The following ARFGEF3 variants were observed in gnomAD, a reference collection of about 807,000 sequenced individuals.
ARFGEF3 encodes the protein brefeldin A-inhibited guanine nucleotide-exchange protein 3.
Under a neutral mutation model 221.7 loss-of-function variants are expected in ARFGEF3, and 96 were observed. The observed-to-expected ratio is 0.43, with a 90% CI of 0.37 to 0.51. The LOEUF is 0.51. ARFGEF3 is among the 20% of genes least tolerant of loss of function. The probability of loss-of-function intolerance (pLI) is 0.00; values close to 1 mark genes in which losing one functional copy is unlikely to be tolerated. For synonymous variants in ARFGEF3, 1,145 were observed against 1,126.8 expected, an observed-to-expected ratio of 1.02 and a Z score of -0.32; for missense variants, 2,410 against 2,789.9, an observed-to-expected ratio of 0.86 and a Z score of 3.07.
rs149399234 is a variant in ARFGEF3, at chr6:138,243,068, G to A, written c.586+74G>A. On this transcript the variant is annotated intron_variant, in intron 7 of 33. Transcript: ENST00000251691. ...ATGCCTACTGTGTGCTTGGAGTGAG[G>A]GGTACAAAGATGTCTAGGAGCTCTC... The A allele has an allele frequency of 1.0e-5, 12 of 1,197,976 alleles. No individual in the cohort carries two copies. The East Asian group carries it at 2.9e-4, about 29-fold the overall frequency. 74.2% of individuals were successfully genotyped at this position (1,197,976 alleles called of 1,614,324 possible). A position where few individuals can be genotyped will look rare whatever the true frequency, so the allele number is the denominator to read the frequency against.
chr6:138,186,902 C>CTTTTTTTTT lies in ARFGEF3; in HGVS notation c.137+16211_137+16219dup, dbSNP rs71693484. 2.9e-4 allele frequency among the ~76,000 whole-genome samples: 22 copies of CTTTTTTTTT among 76,004 alleles called. 2 individuals carry two copies. Among genetic ancestry groups the CTTTTTTTTT allele is most frequent in the African/African-American group, 8.1e-4 (15 of 18,596 alleles). The allele number at this position is 76,004 out of a possible 152,430, so 49.9% of individuals were successfully genotyped here. A position where few individuals can be genotyped will look rare whatever the true frequency, so the allele number is the denominator to read the frequency against. ...ACGAGTTATTCCTCTCATCCTTTTT[C>CTTTTTTTTT]TTTTTTTTTTTTTTTTTTTTTTTTT... On this transcript the variant is annotated intron_variant, in intron 2 of 33. Transcript: ENST00000251691.
At chr6:138,198,190 C>T (rs999968451) in intron 2 of ARFGEF3, among the ~76,000 whole-genome samples, 1 of 152,042 alleles carries the variant, frequency 6.6e-6, no homozygotes, top group African/African-American at 2.4e-5. Flanking sequence ...AATATTCAAC[C>T]TCTTCTGACC....
intron 12 of ARFGEF3, among the ~76,000 whole-genome samples, chr6:138,273,796 A>G (rs1779046107): frequency 6.6e-6 from 1 of 152,230 alleles, no homozygotes; most frequent in African/African-American, 2.4e-5. Context: ...AAAGCATTTA[A>G]TAAATTATTC....
chr6:138,267,793 G>T (rs374718504), intron 12 of ARFGEF3, among the ~76,000 whole-genome samples: 1 of 152,100 alleles, frequency 6.6e-6, no homozygotes, highest in Non-Finnish European at 1.5e-5. Context: ...TTAGAGTTCC[G>T]TAAATTTCCC....
chr6:138,307,586 G>T (rs2272892), intron 23 of ARFGEF3, among the ~76,000 whole-genome samples, 189 bp downstream of exon 23: 31,365 of 152,180 alleles, frequency 0.21, 3,565 homozygotes, highest in East Asian at 0.45. Flanking sequence ...CCTGAGCATT[G>T]TCAGGCCCTG....
In ARFGEF3 at chr6:138,187,061, A is replaced by G. The variant is rs146000337; in HGVS notation, c.137+16348A>G. Among the ~76,000 whole-genome samples, 455 of 151,918 alleles carry G rather than the reference A, an allele frequency of 3.0e-3. 5 individuals carry two copies. Among genetic ancestry groups the G allele is most frequent in the Middle Eastern group, 0.027 (8 of 292 alleles). On this transcript the variant is annotated intron_variant, in intron 2 of 33. Coordinates refer to ENST00000251691, the MANE Select transcript of ARFGEF3 (RefSeq NM_020340.5). The stretch of plus-strand genomic sequence containing the variant: ...CTCCTGAGTAGCTGGGATTACAGGC[A>G]TGCGCCACCACACCCAGCTAATGTT...
At chr6:138,310,494 C>T (rs544281650) in intron 24 of ARFGEF3, among the ~76,000 whole-genome samples, 2 of 152,204 alleles carry the variant, frequency 1.3e-5, no homozygotes, top group Non-Finnish European at 2.9e-5. Context: ...AGTATTTACT[C>T]TCTGGCCCTT....
chr6:138,178,055 G>A (rs915780116), intron 2 of ARFGEF3, among the ~76,000 whole-genome samples: 4 of 152,114 alleles, frequency 2.6e-5, no homozygotes, highest in African/African-American at 9.7e-5. Flanking sequence ...CTTTATCTTT[G>A]TGTTGATTTA....
chr6:138,307,124 C>A, intron 22 of ARFGEF3, 129 bp from the exon 23 acceptor site: 1 of 871,620 alleles, frequency 1.1e-6, no homozygotes, highest in Non-Finnish European at 1.8e-6. Context: ...GTGAGTTTGT[C>A]TATTCTGGTT....
intron 2 of ARFGEF3, among the ~76,000 whole-genome samples, chr6:138,201,063 A>G (rs1325140704): frequency 2.0e-5 from 3 of 152,236 alleles, no homozygotes; most frequent in Non-Finnish European, 4.4e-5. Flanking sequence ...CGACAAACAT[A>G]CAAAAAAATG....
At chr6:138,197,611 A>G (rs188319512) in intron 2 of ARFGEF3, among the ~76,000 whole-genome samples, 9 of 152,304 alleles carry the variant, frequency 5.9e-5, no homozygotes, top group Non-Finnish European at 1.2e-4. Flanking sequence ...TTCCCAGGTG[A>G]TAGGAAATTT....
At chr6:138,324,704 G>A (rs548038013) in intron 31 of ARFGEF3, among the ~76,000 whole-genome samples, 2 of 152,340 alleles carry the variant, frequency 1.3e-5, no homozygotes, top group African/African-American at 2.4e-5. Flanking sequence ...CTCCTGAGGA[G>A]CAGAGAACAC....
At chr6:138,213,520 T>C (rs1452581704) in intron 4 of ARFGEF3, among the ~76,000 whole-genome samples, 1 of 151,408 alleles carries the variant, frequency 6.6e-6, no homozygotes, top group Non-Finnish European at 1.5e-5. Context: ...AATTTATTCC[T>C]CCAACTTAAC....
chr6:138,328,292 C>A, intron 32 of ARFGEF3, 150 bp downstream of exon 32: 1 of 1,006,666 alleles, frequency 9.9e-7, no homozygotes, highest in Non-Finnish European at 1.4e-6. Context: ...AAACTGTTAG[C>A]CTTGTAACCA....
At chr6:138,239,772 C>A (rs1289430606) in intron 6 of ARFGEF3, among the ~76,000 whole-genome samples, 2 of 151,632 alleles carry the variant, frequency 1.3e-5, no homozygotes. Flanking sequence ...TTTTTAATTT[C>A]AATTATTTTC....
At chr6:138,209,767 A>G in intron 3 of ARFGEF3, 143 bp from the exon 4 acceptor site, 6 of 1,015,234 alleles carry the variant, frequency 5.9e-6, no homozygotes, top group Non-Finnish European at 8.5e-6. Flanking sequence ...TTTTAACGGC[A>G]CATAGCGTAA....
At chr6:138,266,346 GGGAAGGGAAAAC>G (rs1778891665) in intron 12 of ARFGEF3, among the ~76,000 whole-genome samples, 2 of 151,078 alleles carry the variant, frequency 1.3e-5, no homozygotes, top group African/African-American at 4.9e-5. Context: ...GAAGGCAGAA[GGGAAGGGAAAAC>G]GGAAGGGAAA....
intron 31 of ARFGEF3, among the ~76,000 whole-genome samples, chr6:138,325,633 TC>T (rs1440357369): frequency 6.6e-6 from 1 of 152,214 alleles, no homozygotes; most frequent in African/African-American, 2.4e-5. Context: ...AAAGTGGCCC[TC>T]CAAAGGGATA....
chr6:138,222,980 C>G (rs1156455992), intron 4 of ARFGEF3, among the ~76,000 whole-genome samples: 2 of 152,156 alleles, frequency 1.3e-5, no homozygotes, highest in Admixed American at 1.3e-4. Context: ...CTCTGTGACT[C>G]CATCCCTCCC....
Sources: allele counts gnomAD v4.1 joint callset (sites outside exome capture counted in the v4.1 genomes callset), GRCh38; gene constraint gnomAD v4.1.1; transcripts MANE v1.5; gene names NCBI Gene and HGNC (gene_info 2026-07-23, HGNC 2026-07-21).